RUNX1: variants seen among roughly 807,000 people sequenced by gnomAD.
RUNX1 encodes the protein RUNX family transcription factor 1.
Under a neutral mutation model 42.8 loss-of-function variants are expected in RUNX1, and 19 were observed. The ratio of observed to expected loss-of-function variants is 0.44; its 90% CI spans 0.31 to 0.65. The LOEUF (loss-of-function observed/expected upper bound fraction) is 0.65, where lower values mean the gene tolerates loss of function less well. RUNX1 is among the 30% of genes least tolerant of loss of function. RUNX1 has a pLI of 0.07. For missense variants in RUNX1, 528 were observed against 672.0 expected, an observed-to-expected ratio of 0.79 and a Z score of 2.37; for synonymous variants, 271 against 289.4, an observed-to-expected ratio of 0.94 and a Z score of 0.64.
intron 2 of RUNX1, among the ~76,000 whole-genome samples, chr21:34,996,566 A>G (rs2058998215): frequency 6.6e-6 from 1 of 152,090 alleles, no homozygotes; most frequent in Non-Finnish European, 1.5e-5. Flanking sequence ...CTTTGGCCTA[A>G]AAAGCAGAGT....
chr21:34,930,270 G>GTGTGTATATATATATATATA lies in RUNX1; in HGVS notation c.59-37308_59-37307insTATATATATATATATACACA, dbSNP rs372412304. 5.7e-4 allele frequency among the ~76,000 whole-genome samples: 70 copies of GTGTGTATATATATATATATA among 122,854 alleles called. 1 individual carries two copies. Among genetic ancestry groups the GTGTGTATATATATATATATA allele is most frequent in the African/African-American group, 2.5e-3 (66 of 26,530 alleles). 80.6% of individuals were successfully genotyped at this position (122,854 alleles called of 152,430 possible). On this transcript the variant is annotated intron_variant, in intron 2 of 8. Coordinates refer to ENST00000675419, the MANE Select transcript of RUNX1 (RefSeq NM_001754.5). ...ATGTATATTATACGTGTGTGTGTAT[G>GTGTGTATATATATATATATA]TATATATATATATATATATATAAAT...
chr21:34,876,569 T>C (rs557363074), intron 5 of RUNX1, among the ~76,000 whole-genome samples: 121 of 150,570 alleles, frequency 8.0e-4, no homozygotes, highest in African/African-American at 2.8e-3. Flanking sequence ...ACACGTGCAT[T>C]TTTTTTTTGT....
chr21:34,915,450 C>T (rs993405779), intron 2 of RUNX1, among the ~76,000 whole-genome samples: 1 of 152,166 alleles, frequency 6.6e-6, no homozygotes, highest in East Asian at 1.9e-4. Flanking sequence ...GTTTACATGA[C>T]CATTCATTCT....
At chr21:35,032,830 A>C (rs916584578) in intron 2 of RUNX1, among the ~76,000 whole-genome samples, 2 of 152,222 alleles carry the variant, frequency 1.3e-5, no homozygotes, top group Non-Finnish European at 2.9e-5. Flanking sequence ...TGGAAATCCC[A>C]GTTACTTACT....
intron 2 of RUNX1, among the ~76,000 whole-genome samples, chr21:34,970,171 G>A (rs1442413581): frequency 6.6e-6 from 1 of 152,186 alleles, no homozygotes; most frequent in African/African-American, 2.4e-5. Flanking sequence ...TGAAATAGAT[G>A]CTTTAGAAAG....
chr21:34,792,360 G>A lies in RUNX1; in HGVS notation c.1218C>T (p.Tyr406=), dbSNP rs2056453805. Residue 406 remains tyrosine (Y), a synonymous_variant, in exon 9 of 9, where the codon TAC becomes TAT. Transcript: ENST00000675419. The surrounding 1 kb of genome is among the most constrained non-coding windows in gnomAD (Gnocchi z 6.9). ...FQASSPSYHL[Y]YGASAGSYQF... ...GGTAGGAGCCGGCCGAGGCGCCGTA[G>A]TACAGGTGGTAGGAGGGCGAGCTGG... 6.4e-7 allele frequency: 1 copy of A among 1,561,700 alleles called. No individual in the cohort carries two copies. The highest frequency in any genetic ancestry group is 8.7e-7 in the Non-Finnish European group (1 of 1,152,994).
intron 5 of RUNX1, among the ~76,000 whole-genome samples, chr21:34,875,614 C>T (rs1216133549): frequency 6.6e-6 from 1 of 152,136 alleles, no homozygotes; most frequent in East Asian, 1.9e-4. Context: ...CGTGAAACAA[C>T]TCTGGGGTGG....
At chr21:34,956,165 G>T (rs1285530264) in intron 2 of RUNX1, among the ~76,000 whole-genome samples, 1 of 152,134 alleles carries the variant, frequency 6.6e-6, no homozygotes, top group Non-Finnish European at 1.5e-5. Flanking sequence ...CCTAAAATGA[G>T]CTGCAACACA....
chr21:34,854,103 T>C (rs2057463612), intron 6 of RUNX1, among the ~76,000 whole-genome samples: 1 of 152,180 alleles, frequency 6.6e-6, no homozygotes, highest in Admixed American at 6.5e-5. Flanking sequence ...CGGGAGCCAC[T>C]GCGCCTGGCC....
At chr21:34,807,541 A>G (rs1196433865) in intron 7 of RUNX1, among the ~76,000 whole-genome samples, 6 of 152,228 alleles carry the variant, frequency 3.9e-5, no homozygotes, top group Admixed American at 2.6e-4. Context: ...CCCTAGGGGC[A>G]GCCCTGGTTA....
At chr21:34,941,777 T>C (rs533540724) in intron 2 of RUNX1, among the ~76,000 whole-genome samples, 48 of 152,272 alleles carry the variant, frequency 3.2e-4, no homozygotes, top group Non-Finnish European at 1.0e-4. Flanking sequence ...AAAATAGTTT[T>C]ATTGTTTGAT....
intron 2 of RUNX1, among the ~76,000 whole-genome samples, chr21:35,033,994 A>G (rs2059289841): frequency 6.6e-6 from 1 of 152,242 alleles, no homozygotes; most frequent in African/African-American, 2.4e-5. Flanking sequence ...AGACACGAAG[A>G]TAACTTATTT....
chr21:34,952,310 C>A (rs1193018901), intron 2 of RUNX1, among the ~76,000 whole-genome samples: 2 of 151,978 alleles, frequency 1.3e-5, no homozygotes, highest in Non-Finnish European at 2.9e-5. Flanking sequence ...CAGCAAACCA[C>A]CATGGCACGT....
Position 34,824,365 on chromosome 21 carries a change from A to G in RUNX1, c.805+10045T>C, listed in dbSNP as rs181579046. Reference sequence around the variant, plus strand: ...AATGTTTGTTTTTAGGGTGAGTTCTATACTATTTTTCTATTATTATTTTGC... The same window carrying G: ...AATGTTTGTTTTTAGGGTGAGTTCTGTACTATTTTTCTATTATTATTTTGC... On this transcript the variant is annotated intron_variant, in intron 7 of 8. Coordinates refer to ENST00000675419, the MANE Select transcript of RUNX1 (RefSeq NM_001754.5). 2.0e-4 allele frequency among the ~76,000 whole-genome samples: 31 copies of G among 152,328 alleles called. No homozygotes were observed. The East Asian group carries it at 3.5e-3, about 17-fold the overall frequency.
At chr21:34,983,115 TAACC>T (rs2058859913) in intron 2 of RUNX1, among the ~76,000 whole-genome samples, 1 of 152,332 alleles carries the variant, frequency 6.6e-6, no homozygotes, top group African/African-American at 2.4e-5. Context: ...AATGTGTTGT[TAACC>T]AGCAAGCGCA....
Position 35,049,212 on chromosome 21 carries a change from G to C in RUNX1, c.-104C>G. The C allele has an allele frequency of 2.5e-6, 1 of 394,978 alleles. No individual in the cohort carries two copies. The highest frequency in any genetic ancestry group is 4.7e-6 in the Non-Finnish European group (1 of 212,090). The allele number at this position is 394,978 out of a possible 1,614,324, so 24.5% of individuals were successfully genotyped here. A position where few individuals can be genotyped will look rare whatever the true frequency, so the allele number is the denominator to read the frequency against. The stretch of plus-strand genomic sequence containing the variant: ...GTTTGCATTCAGTGTGATTCGTCCT[G>C]CCTGCTGACCACTATGCTGGGTTCA... On this transcript the variant is annotated 5_prime_UTR_variant, in exon 1 of 9. Transcript: ENST00000675419.
intron 6 of RUNX1, 71 bp from the exon 7 acceptor site, chr21:34,834,672 T>C (rs1385937910): frequency 1.5e-6 from 2 of 1,368,480 alleles, no homozygotes; most frequent in Admixed American, 1.8e-5. Context: ...AGAAAAAGTA[T>C]TGTGGATTTC....
chr21:34,824,760 G>A (rs146018974), intron 7 of RUNX1, among the ~76,000 whole-genome samples: 5 of 152,198 alleles, frequency 3.3e-5, no homozygotes, highest in East Asian at 1.9e-4. Flanking sequence ...AAGTCCCTCC[G>A]CATCATTTAA....
At chr21:34,946,896 C>T (rs2058567225) in intron 2 of RUNX1, among the ~76,000 whole-genome samples, 1 of 152,206 alleles carries the variant, frequency 6.6e-6, no homozygotes, top group Non-Finnish European at 1.5e-5. Context: ...CAAGCTCGTC[C>T]ACCTTCAGAC....
Sources: allele counts gnomAD v4.1 joint callset (sites outside exome capture counted in the v4.1 genomes callset), GRCh38; gene constraint gnomAD v4.1.1; non-coding constraint Gnocchi (gnomAD v3.1); transcripts MANE v1.5; gene names NCBI Gene and HGNC (gene_info 2026-07-23, HGNC 2026-07-21).